Variants in DNAJB14 observed in about 807,000 individuals in gnomAD.
DNAJB14 encodes the protein dnaJ homolog subfamily B member 14.
In DNAJB14, 22 loss-of-function variants were observed where a neutral mutation model predicts 48.4. The ratio of observed to expected loss-of-function variants is 0.45; its 90% CI spans 0.32 to 0.65. The LOEUF is 0.65. DNAJB14 is among the 30% of genes least tolerant of loss of function. DNAJB14 has a pLI of 0.03. For synonymous variants in DNAJB14, 142 were observed against 158.7 expected (o/e 0.89, Z 0.79); for missense variants, 319 against 458.8 (o/e 0.70, Z 2.78).
chr4:99,938,423 A>G (rs1726767715), intron 1 of DNAJB14, among the ~76,000 whole-genome samples: 1 of 150,538 alleles, frequency 6.6e-6, no homozygotes, highest in Non-Finnish European at 1.5e-5. Context: ...CACTGATTTC[A>G]TAAACTTGAT....
chr4:99,940,953 T>A (rs74379520), intron 1 of DNAJB14, among the ~76,000 whole-genome samples: 6,976 of 144,186 alleles, frequency 0.048, 396 homozygotes, highest in African/African-American at 0.14. Context: ...ATATATATAT[T>A]TTTTTTTTGG....
intron 3 of DNAJB14, among the ~76,000 whole-genome samples, chr4:99,911,895 C>A (rs1725672931): frequency 6.6e-6 from 1 of 152,078 alleles, no homozygotes; most frequent in Admixed American, 6.6e-5. Flanking sequence ...ATCTTAAAGT[C>A]CAACTTAACA....
rs1725213863 is a variant in DNAJB14 at position 99,899,117 on chromosome 4, T to G, written c.*1911A>C. 6.6e-6 allele frequency: 1 copy of G among 151,928 alleles called. No homozygotes were observed. The highest frequency in any genetic ancestry group is 2.1e-4 in the South Asian group (1 of 4,830). 9.4% of individuals were successfully genotyped at this position (151,928 alleles called of 1,614,324 possible). A position where few individuals can be genotyped will look rare whatever the true frequency, so the allele number is the denominator to read the frequency against. On this transcript the variant is annotated 3_prime_UTR_variant, in exon 8 of 8. Transcript: ENST00000442697. ...TATACTTTATGGTATCACTTAACTT[T>G]GTACAATAACTTCACCTATCTCCTT... is the stretch of plus-strand genomic sequence containing the variant.
At chr4:99,922,349 T>C (rs758718527) in intron 3 of DNAJB14, among the ~76,000 whole-genome samples, 3 of 152,130 alleles carry the variant, frequency 2.0e-5, no homozygotes, top group Non-Finnish European at 4.4e-5. Context: ...GAATGCCAAA[T>C]TCACAAGAAT....
chr4:99,927,246 T>C (rs1346380012), intron 2 of DNAJB14: 2 of 152,232 alleles, frequency 1.3e-5, no homozygotes. Context: ...CTTATGTGCA[T>C]GGAAGCATAG....
chr4:99,931,919 T>A (rs983261976), intron 1 of DNAJB14, among the ~76,000 whole-genome samples: 1 of 151,994 alleles, frequency 6.6e-6, no homozygotes. Context: ...TAGAACTGAA[T>A]AGAAATTAAA....
intron 5 of DNAJB14, 171 bp from the exon 6 acceptor site, chr4:99,905,877 C>G: frequency 2.5e-6 from 2 of 791,196 alleles, no homozygotes; most frequent in Non-Finnish European, 3.1e-6. Flanking sequence ...ATTATCCAGG[C>G]ATATCACCAG....
chr4:99,924,943 CAT>C (rs1726196954), intron 2 of DNAJB14: 1 of 676,684 alleles, frequency 1.5e-6, no homozygotes, highest in Admixed American at 2.4e-5. Flanking sequence ...TCATTTATCC[CAT>C]TTAAGTGTGA....
intron 6 of DNAJB14, 137 bp downstream of exon 6, chr4:99,905,460 A>G (rs1725430276): frequency 3.5e-6 from 2 of 572,312 alleles, no homozygotes; most frequent in Admixed American, 3.3e-5. Flanking sequence ...AAAAAATTAG[A>G]TAGAAATTTA....
chr4:99,908,618 G>A lies in DNAJB14; in HGVS notation c.637+93C>T, dbSNP rs555305204. ...GGATCGTAACACTACAAGAAATGTA[G>A]GGGAAAAGGTAGATACATCTCTAAA... On this transcript the variant is annotated intron_variant, in intron 4 of 7. Transcript: ENST00000442697. 12 of 958,262 alleles carry A rather than the reference G, an allele frequency of 1.3e-5. No homozygotes were observed. The South Asian group carries it at 2.5e-4, about 20-fold the overall frequency. The allele number at this position is 958,262 out of a possible 1,614,324, so 59.4% of individuals were successfully genotyped here.
At chr4:99,925,970 TTCTTACCATCAGTATTGAAGCTGACTC>T (rs1175779859) in intron 2 of DNAJB14, 6 of 152,164 alleles carry the variant, frequency 3.9e-5, no homozygotes, top group Non-Finnish European at 7.4e-5. Context: ...TCCTATTTCT[TTCTTACCATCAGTATTGAAGCTGACTC>T]TCTTACCTCC....
intron 1 of DNAJB14, among the ~76,000 whole-genome samples, chr4:99,935,552 A>G (rs926354187): frequency 2.6e-5 from 4 of 152,368 alleles, no homozygotes; most frequent in African/African-American, 9.6e-5. Flanking sequence ...TATTTATACA[A>G]CTAAGACTAA....
At chr4:99,912,117 A>G (rs1725684881) in intron 3 of DNAJB14, among the ~76,000 whole-genome samples, 1 of 152,320 alleles carries the variant, frequency 6.6e-6, no homozygotes, top group Middle Eastern at 3.4e-3. Context: ...CTCAAAACCA[A>G]CTGTTGAAAA....
intron 3 of DNAJB14, among the ~76,000 whole-genome samples, chr4:99,916,925 G>C (rs1400193587): frequency 6.6e-6 from 1 of 152,094 alleles, no homozygotes; most frequent in Non-Finnish European, 1.5e-5. Context: ...ATGCAATCGA[G>C]AGATAGAGAC....
chr4:99,913,249 G>C (rs978744020), intron 3 of DNAJB14, among the ~76,000 whole-genome samples: 5 of 152,006 alleles, frequency 3.3e-5, no homozygotes, highest in African/African-American at 1.2e-4. Context: ...AGATATTCTT[G>C]CTTTATTCTT....
At chr4:99,922,206 A>G (rs950928893) in intron 3 of DNAJB14, among the ~76,000 whole-genome samples, 1 of 152,198 alleles carries the variant, frequency 6.6e-6, no homozygotes, top group Non-Finnish European at 1.5e-5. Context: ...TGTTTTGGAA[A>G]CAATCTTAAC....
At chr4:99,905,818 G>A (rs1725444132) in intron 5 of DNAJB14, 112 bp from the exon 6 acceptor site, 1 of 1,296,908 alleles carries the variant, frequency 7.7e-7, no homozygotes, top group Non-Finnish European at 1.1e-6. Flanking sequence ...ATCTAGTTCA[G>A]TGCTTTCAAA....
intron 6 of DNAJB14, 106 bp from the exon 7 acceptor site, chr4:99,904,004 G>C (rs72684369): frequency 0.025 from 28,927 of 1,167,582 alleles, 459 homozygotes; most frequent in Middle Eastern, 0.039. Flanking sequence ...AGTTAATATT[G>C]GTAATACAGG....
intron 4 of DNAJB14, 134 bp from the exon 5 acceptor site, chr4:99,906,745 T>C (rs1725481993): frequency 7.6e-6 from 5 of 658,510 alleles, no homozygotes; most frequent in African/African-American, 1.8e-5. Context: ...TAAATACTTA[T>C]TGCCCTCTCC....
Sources: allele counts gnomAD v4.1 joint callset (sites outside exome capture counted in the v4.1 genomes callset), GRCh38; gene constraint gnomAD v4.1.1; transcripts MANE v1.5; gene names NCBI Gene and HGNC (gene_info 2026-07-23, HGNC 2026-07-21).